Variants in DHX40 observed in about 807,000 individuals in gnomAD.
DHX40 encodes the protein DEAH-box helicase 40.
DHX40 carries 28 observed loss-of-function variants against 89.6 expected under a neutral mutation model. The observed-to-expected ratio is 0.31, with a 90% CI of 0.23 to 0.43. The LOEUF is 0.43. Ranked by LOEUF, DHX40 falls within the 20% of genes least tolerant of loss-of-function variation. DHX40 has a pLI of 1.00. For missense variants in DHX40, 457 were observed against 844.0 expected, an observed-to-expected ratio of 0.54 and a Z score of 5.68; for synonymous variants, 226 against 283.6, an observed-to-expected ratio of 0.80 and a Z score of 2.04.
chr17:59,586,919 C>G (rs930890910), intron 11 of DHX40, among the ~76,000 whole-genome samples: 18 of 151,988 alleles, frequency 1.2e-4, no homozygotes, highest in South Asian at 2.1e-4. Context: ...TTTGGGAGGC[C>G]AAGGCGAGCA....
intron 3 of DHX40, among the ~76,000 whole-genome samples, chr17:59,571,979 A>G (rs1003226296): frequency 2.6e-5 from 4 of 152,314 alleles, no homozygotes; most frequent in Admixed American, 6.5e-5. Context: ...TTCACTGAGC[A>G]TGTTTTCAGG....
rs2048697187 is a variant in DHX40 at position 59,565,864 on chromosome 17, G to T, written c.112+81G>T. 5.5e-6 allele frequency: 7 copies of T among 1,269,416 alleles called. No homozygotes were observed. In the Admixed American group the frequency reaches 1.4e-4, roughly 25 times the overall value. The allele number at this position is 1,269,416 out of a possible 1,614,324, so 78.6% of individuals were successfully genotyped here. On this transcript the variant is annotated intron_variant, in intron 1 of 17. Transcript: ENST00000251241. ...GTGGGGGGATGAAAGTACGCCTTTG[G>T]CAGGCTGAGAAGAGTAGTGAGGAAG...
At chr17:59,571,284 CCTGT>C (rs2048804192) in intron 3 of DHX40, among the ~76,000 whole-genome samples, 1 of 151,838 alleles carries the variant, frequency 6.6e-6, no homozygotes, top group African/African-American at 2.4e-5. Flanking sequence ...ATGGAGAAAC[CCTGT>C]CTCTTTTAAA....
intron 12 of DHX40, among the ~76,000 whole-genome samples, chr17:59,590,020 T>C (rs2049059092): frequency 6.6e-6 from 1 of 151,840 alleles, no homozygotes; most frequent in South Asian, 2.1e-4. Flanking sequence ...CCGGCGTTAA[T>C]TTCCTTTCAT....
At chr17:59,599,934 C>A (rs1395282635) in intron 14 of DHX40, among the ~76,000 whole-genome samples, 1 of 149,538 alleles carries the variant, frequency 6.7e-6, no homozygotes, top group African/African-American at 2.5e-5. Flanking sequence ...AGCAATTCTT[C>A]TGCCTCAGCC....
chr17:59,573,849 C>G lies in DHX40; in HGVS notation c.656C>G (p.Ser219Cys). Residue 219 changes from serine (S) to cysteine (C), a missense_variant, in exon 5 of 18, where the codon TCT becomes TGT. Transcript: ENST00000251241. ...GCAACTATGGAATTAGCCAAGCTCT[C>G]TGCATTCTTTGGAAATTGTCCAATA... is the stretch of plus-strand genomic sequence containing the variant. ...MSATMELAKL[S>C]AFFGNCPIFD... 1 of 1,613,148 alleles carries G rather than the reference C, an allele frequency of 6.2e-7. No homozygotes were observed. Among genetic ancestry groups the G allele is most frequent in the Non-Finnish European group, 8.5e-7 (1 of 1,179,640 alleles).
chr17:59,588,116 C>A (rs2049025107), intron 12 of DHX40, 63 bp downstream of exon 12: 2 of 1,586,252 alleles, frequency 1.3e-6, no homozygotes, highest in Admixed American at 3.4e-5. Context: ...CACGGTGGCT[C>A]ACGCCTGTAA....
At chr17:59,601,494 T>C (rs532074171) in intron 14 of DHX40, among the ~76,000 whole-genome samples, 1 of 152,070 alleles carries the variant, frequency 6.6e-6, no homozygotes, top group Non-Finnish European at 1.5e-5. Context: ...TCATCTCAGG[T>C]GTTGTATTTT....
At chr17:59,577,999 C>G (rs1203686062) in intron 8 of DHX40, among the ~76,000 whole-genome samples, 1 of 152,116 alleles carries the variant, frequency 6.6e-6, no homozygotes, top group Admixed American at 6.6e-5. Flanking sequence ...TGAAAATTAA[C>G]TATGATTCAG....
In DHX40 at chr17:59,565,791, C is replaced by T. The variant is rs1221209004; in HGVS notation, c.112+8C>T. ...TTTGCATCGCCGATAGAGGTGCGGT[C>T]CGCGGGACGGTACGGAAGCCAGCGG... On this transcript the variant is annotated splice_region_variant and intron_variant, in intron 1 of 17. Coordinates refer to ENST00000251241, the MANE Select transcript of DHX40 (RefSeq NM_024612.5). The T allele has an allele frequency of 6.3e-7, 1 of 1,594,820 alleles. No homozygotes were observed.
chr17:59,570,307 TATA>T (rs1225671953), intron 2 of DHX40, among the ~76,000 whole-genome samples: 5 of 136,950 alleles, frequency 3.7e-5, no homozygotes, highest in Non-Finnish European at 7.6e-5. Flanking sequence ...ATATTATATA[TATA>T]ATATATTTTT....
At chr17:59,590,104 G>T (rs1237059671) in intron 12 of DHX40, among the ~76,000 whole-genome samples, 1 of 151,254 alleles carries the variant, frequency 6.6e-6, no homozygotes, top group African/African-American at 2.4e-5. Flanking sequence ...CAAAAGAAAA[G>T]GTAGTTTAGC....
Position 59,573,818 on chromosome 17 carries a change from A to T in DHX40, c.625A>T (p.Met209Leu), listed in dbSNP as rs2143227791. The stretch of plus-strand genomic sequence containing the variant: ...GAAGGAGCATTTAAAAGTGGTGGTA[A>T]TGTCAGCAACTATGGAATTAGCCAA... ...NRKEHLKVVV[M>L]SATMELAKLS... is the part of the protein sequence containing the mutation. Residue 209 changes from methionine (M) to leucine (L), a missense_variant, in exon 5 of 18, where the codon ATG becomes TTG. By Grantham distance (15) the Met-to-Leu change is conservative. This residue lies in a region of DHX40 where 116 missense variants were observed against 188.9 expected (regional missense o/e 0.61). Coordinates refer to ENST00000251241, the MANE Select transcript of DHX40 (RefSeq NM_024612.5). The T allele has an allele frequency of 6.2e-7, 1 of 1,613,666 alleles. No individual in the cohort carries two copies. The highest frequency in any genetic ancestry group is 8.5e-7 in the Non-Finnish European group (1 of 1,179,816).
rs775374849 is a variant in DHX40, at chr17:59,575,425, C to A, written c.927C>A (p.Thr309=). Residue 309 remains threonine (T), a synonymous_variant, in exon 7 of 18, where the codon ACC becomes ACA. Transcript: ENST00000251241. The part of the protein sequence containing the change: ...VDYDYDVQDT[T]LDGLLILPCY... Reference sequence around the variant, plus strand: ...ATGATTATGATGTTCAAGATACCACCCTCGATGGCTTGTTAATATTGCCGT... The same window carrying A: ...ATGATTATGATGTTCAAGATACCACACTCGATGGCTTGTTAATATTGCCGT... 1.5e-5 allele frequency: 25 copies of A among 1,612,926 alleles called. 1 individual carries two copies. In the South Asian group the frequency reaches 2.5e-4, roughly 16 times the overall value.
chr17:59,592,548 T>G (rs967163926), intron 12 of DHX40, among the ~76,000 whole-genome samples: 5 of 150,806 alleles, frequency 3.3e-5, no homozygotes, highest in African/African-American at 1.2e-4. Context: ...TTCTGATTAG[T>G]TTGCCTCTTC....
chr17:59,570,849 A>G (rs559095904), intron 3 of DHX40, among the ~76,000 whole-genome samples, 186 bp downstream of exon 3: 1 of 152,332 alleles, frequency 6.6e-6, no homozygotes, highest in South Asian at 2.1e-4. Context: ...TGCCCAGCTA[A>G]TGTTATAAAC....
At chr17:59,604,179 A>G (rs1213510053) in intron 15 of DHX40, 1 of 152,188 alleles carries the variant, frequency 6.6e-6, no homozygotes, top group African/African-American at 2.4e-5. Context: ...GGTTATAGTC[A>G]TGTCGGAGAA....
intron 15 of DHX40, 138 bp from the exon 16 acceptor site, chr17:59,604,977 G>C: frequency 7.1e-6 from 5 of 701,820 alleles, no homozygotes; most frequent in Non-Finnish European, 1.2e-5. Flanking sequence ...TGTAGTGACA[G>C]TTGAATAAAT....
At chr17:59,585,460 C>G (rs941901053) in intron 10 of DHX40, among the ~76,000 whole-genome samples, 2 of 150,880 alleles carry the variant, frequency 1.3e-5, no homozygotes, top group Non-Finnish European at 2.9e-5. Flanking sequence ...CGGTGGCTCA[C>G]GCCTGTAATC....
Sources: gnomAD v4.1 joint callset for allele counts (sites outside exome capture counted in the v4.1 genomes callset) on GRCh38, gnomAD v4.1.1 for gene constraint, gnomAD v4.1.1 regional missense constraint, MANE v1.5 for transcripts, NCBI Gene and HGNC (gene_info 2026-07-23, HGNC 2026-07-21) for gene names.